The following OTUD7B variants were observed in gnomAD, a reference collection of about 807,000 sequenced individuals.
OTUD7B encodes OTU domain-containing protein 7B.
OTUD7B carries 34 observed loss-of-function variants against 82.2 expected under a neutral mutation model. The ratio of observed to expected loss-of-function variants is 0.41; its 90% CI spans 0.31 to 0.55. The LOEUF is 0.55. Ranked by LOEUF, OTUD7B falls within the 20% of genes least tolerant of loss-of-function variation. The pLI, the probability that OTUD7B is intolerant of heterozygous loss-of-function variation, is 0.20. For synonymous variants in OTUD7B, 398 were observed against 402.7 expected, an observed-to-expected ratio of 0.99 and a Z score of 0.14; for missense variants, 944 against 1,062.1, an observed-to-expected ratio of 0.89 and a Z score of 1.55.
At chr1:149,945,959 C>G (rs782405645) in intron 11 of OTUD7B, among the ~76,000 whole-genome samples, 1 of 151,966 alleles carries the variant, frequency 6.6e-6, no homozygotes, top group Non-Finnish European at 1.5e-5. Flanking sequence ...ACTCAGGAGG[C>G]TGAGGCAGGA....
intron 1 of OTUD7B, among the ~76,000 whole-genome samples, chr1:149,989,925 C>T (rs1447750682): frequency 2.0e-5 from 3 of 152,128 alleles, no homozygotes; most frequent in Non-Finnish European, 2.9e-5. Flanking sequence ...GATCTATAGG[C>T]CCAGTATTCA....
At chr1:149,978,003 C>A (rs1650443438) in intron 1 of OTUD7B, among the ~76,000 whole-genome samples, 1 of 152,208 alleles carries the variant, frequency 6.6e-6, no homozygotes, top group African/African-American at 2.4e-5. Context: ...TAGCCATCTC[C>A]TCTAATATAT....
the OTUD7B span, among the ~76,000 whole-genome samples, chr1:150,032,708 G>T: frequency 4.0e-5 from 6 of 151,872 alleles, no homozygotes; most frequent in South Asian, 8.3e-4. Context: ...GGAGGAGGAG[G>T]AGGAGGAAGA....
the OTUD7B span, among the ~76,000 whole-genome samples, chr1:150,049,629 C>CTCTTTTTTT: frequency 6.9e-5 from 3 of 43,472 alleles, 1 homozygote; most frequent in Non-Finnish European, 4.3e-5. Flanking sequence ...CTCTCTCTCT[C>CTCTTTTTTT]TTTCTTTTTT....
the OTUD7B span, among the ~76,000 whole-genome samples, chr1:150,038,532 A>G: frequency 5.9e-5 from 9 of 151,772 alleles, no homozygotes; most frequent in Non-Finnish European, 1.0e-4. Flanking sequence ...AACCACAGGC[A>G]CACACCGCCA....
At chr1:149,959,915 A>G in intron 6 of OTUD7B, 119 bp from the exon 7 acceptor site, 2 of 671,092 alleles carry the variant, frequency 3.0e-6, no homozygotes, top group South Asian at 1.7e-5. Flanking sequence ...TGGTTTACAA[A>G]TTGTACTACA....
upstream of OTUD7B, among the ~76,000 whole-genome samples, chr1:150,014,003 T>C (rs12410826): frequency 5.5e-5 from 7 of 126,666 alleles, no homozygotes; most frequent in Admixed American, 7.8e-5. Context: ...TATACACACA[T>C]ATATATACAC....
At chr1:149,982,165 TAA>T (rs201389566) in intron 1 of OTUD7B, among the ~76,000 whole-genome samples, 3,112 of 147,866 alleles carry the variant, frequency 0.021, 88 homozygotes, top group African/African-American at 0.073. Flanking sequence ...AATAAATAAA[TAA>T]ATAAATATAA....
intron 2 of OTUD7B, 33 bp from the exon 3 acceptor site, chr1:149,971,284 CA>C: frequency 6.5e-7 from 1 of 1,527,840 alleles, no homozygotes. Context: ...GCAAACTGTG[CA>C]ACCATAGTAT....
At chr1:150,013,877 G>C (rs1402591333), upstream of OTUD7B, among the ~76,000 whole-genome samples, 4 of 136,682 alleles carry the variant, frequency 2.9e-5, no homozygotes, top group African/African-American at 8.3e-5. Context: ...AGACGAGATC[G>C]CGCCACTGCA....
chr1:150,051,239 A>AAC, the OTUD7B span, among the ~76,000 whole-genome samples: 1 of 151,014 alleles, frequency 6.6e-6, no homozygotes, highest in African/African-American at 2.4e-5. Flanking sequence ...CAAAAAAAAA[A>AAC]AAAAAAAAAA....
intron 1 of OTUD7B, among the ~76,000 whole-genome samples, chr1:149,992,114 ACT>A (rs1651608078): frequency 6.6e-6 from 1 of 152,092 alleles, no homozygotes; most frequent in East Asian, 1.9e-4. Flanking sequence ...AGTCCCAGCT[ACT>A]CAGGAGGCTG....
chr1:150,045,353 C>T, the OTUD7B span, among the ~76,000 whole-genome samples: 1 of 152,042 alleles, frequency 6.6e-6, no homozygotes, highest in Non-Finnish European at 1.5e-5. Flanking sequence ...CTCAGCTTCC[C>T]AAAATGCTGA....
chr1:149,970,688 C>G (rs1649856938), intron 3 of OTUD7B, among the ~76,000 whole-genome samples: 1 of 152,056 alleles, frequency 6.6e-6, no homozygotes, highest in Non-Finnish European at 1.5e-5. Context: ...TATGAAATTG[C>G]TAAGTCAGAG....
At chr1:149,995,119 CT>C (rs1651841463) in intron 1 of OTUD7B, among the ~76,000 whole-genome samples, 1 of 152,126 alleles carries the variant, frequency 6.6e-6, no homozygotes. Context: ...ATTCAAGGAC[CT>C]TTTGAAGATT....
At chr1:150,032,297 A>T in the OTUD7B span, among the ~76,000 whole-genome samples, 5 of 146,766 alleles carry the variant, frequency 3.4e-5, no homozygotes, top group Non-Finnish European at 6.0e-5. Context: ...GGGCAATAAG[A>T]GCGAAATTCT....
the OTUD7B span, chr1:150,054,958 A>T: frequency 3.0e-6 from 1 of 328,394 alleles, no homozygotes; most frequent in Admixed American, 3.6e-5. Context: ...AATCAAAGCT[A>T]TTCCTCAGCT....
chr1:150,042,324 C>G, the OTUD7B span, among the ~76,000 whole-genome samples: 2 of 151,332 alleles, frequency 1.3e-5, no homozygotes, highest in Non-Finnish European at 2.9e-5. Flanking sequence ...AGGCGCCCAC[C>G]ACCACACCCA....
the OTUD7B span, among the ~76,000 whole-genome samples, chr1:150,025,192 C>T: frequency 3.9e-5 from 6 of 152,230 alleles, no homozygotes; most frequent in South Asian, 1.2e-3. Flanking sequence ...GAGACTGAGA[C>T]AGGTGGATCA....
Sources: gnomAD v4.1 joint callset for allele counts (sites outside exome capture counted in the v4.1 genomes callset) on GRCh38, gnomAD v4.1.1 for gene constraint, MANE v1.5 for transcripts, NCBI Gene and HGNC (gene_info 2026-07-23, HGNC 2026-07-21) for gene names.